Variants in PCDH9 observed in about 807,000 individuals in gnomAD.
The protein encoded by PCDH9 is protocadherin 9.
PCDH9 carries 24 observed loss-of-function variants against 70.6 expected under a neutral mutation model. The ratio of observed to expected loss-of-function variants is 0.34; its 90% CI spans 0.25 to 0.48. PCDH9 has a LOEUF of 0.48. Among genes scored for constraint, PCDH9 ranks in the 20% least tolerant of loss-of-function variants. The probability of loss-of-function intolerance (pLI) is 0.99; values close to 1 mark genes in which losing one functional copy is unlikely to be tolerated. For missense variants in PCDH9, 1,281 were observed against 1,503.6 expected, an observed-to-expected ratio of 0.85 and a Z score of 2.45; for synonymous variants, 562 against 558.5, an observed-to-expected ratio of 1.01 and a Z score of -0.09.
chr13:66,654,370 T>C (rs888470683), intron 3 of PCDH9, among the ~76,000 whole-genome samples: 3 of 151,950 alleles, frequency 2.0e-5, no homozygotes, highest in Non-Finnish European at 4.4e-5. Context: ...TACAAAAATA[T>C]AATTAGAAAG....
At chr13:66,775,236 C>A (rs2079872135) in intron 3 of PCDH9, among the ~76,000 whole-genome samples, 1 of 152,154 alleles carries the variant, frequency 6.6e-6, no homozygotes, top group African/African-American at 2.4e-5. Flanking sequence ...AAAATTAAAT[C>A]ACTTCACATT....
chr13:67,059,412 TG>T (rs1453618511), intron 2 of PCDH9, among the ~76,000 whole-genome samples: 1 of 144,754 alleles, frequency 6.9e-6, no homozygotes, highest in Non-Finnish European at 1.5e-5. Flanking sequence ...TGTATATATA[TG>T]GTATATATAG....
chr13:66,714,067 A>T (rs953656326), intron 3 of PCDH9, among the ~76,000 whole-genome samples: 1 of 152,184 alleles, frequency 6.6e-6, no homozygotes, highest in African/African-American at 2.4e-5. Context: ...CTATTGCAGG[A>T]TACTAGGTAA....
chr13:67,088,454 C>A (rs1301098199), intron 2 of PCDH9, among the ~76,000 whole-genome samples: 1 of 151,966 alleles, frequency 6.6e-6, no homozygotes, highest in African/African-American at 2.4e-5. Context: ...AGACCATCAC[C>A]CAGGATTCTT....
At chr13:67,217,429 T>C (rs1431170984) in intron 2 of PCDH9, 2 of 152,108 alleles carry the variant, frequency 1.3e-5, no homozygotes, top group East Asian at 1.9e-4. Context: ...GGTGAAAATA[T>C]AGGATTTATA....
chr13:66,989,684 G>A (rs1157640542), intron 2 of PCDH9, among the ~76,000 whole-genome samples: 1 of 151,698 alleles, frequency 6.6e-6, no homozygotes, highest in African/African-American at 2.4e-5. Flanking sequence ...AATTATTTTA[G>A]ATATCTAAAT....
chr13:66,381,679 G>A (rs1178834544), intron 4 of PCDH9, among the ~76,000 whole-genome samples: 1 of 152,140 alleles, frequency 6.6e-6, no homozygotes, highest in Non-Finnish European at 1.5e-5. Context: ...GCAATGAAAA[G>A]CAGTCAAAAT....
chr13:66,861,681 T>C (rs1330523119), intron 3 of PCDH9, among the ~76,000 whole-genome samples: 4 of 152,194 alleles, frequency 2.6e-5, no homozygotes, highest in South Asian at 2.1e-4. Context: ...CAGTGGGCCA[T>C]GTTGCTTCCA....
intron 2 of PCDH9, among the ~76,000 whole-genome samples, chr13:66,941,473 A>G (rs1474619766): frequency 2.0e-5 from 3 of 151,856 alleles, no homozygotes; most frequent in Non-Finnish European, 4.4e-5. Flanking sequence ...CATAATGAAT[A>G]AAAAGCAATA....
At chr13:67,101,523 ATG>A (rs540198977) in intron 2 of PCDH9, among the ~76,000 whole-genome samples, 32 of 152,316 alleles carry the variant, frequency 2.1e-4, no homozygotes, top group Admixed American at 3.3e-4. Context: ...GGTTTGTTAT[ATG>A]TGTGTGTGTA....
chr13:66,559,833 TACACACAC>T (rs56660850), intron 4 of PCDH9, among the ~76,000 whole-genome samples: 3 of 87,100 alleles, frequency 3.4e-5, no homozygotes, highest in Non-Finnish European at 6.3e-5. Context: ...TATATATATA[TACACACAC>T]ACACACACAC....
At chr13:66,963,509 A>T (rs1337768864) in intron 2 of PCDH9, among the ~76,000 whole-genome samples, 1 of 152,238 alleles carries the variant, frequency 6.6e-6, no homozygotes, top group Non-Finnish European at 1.5e-5. Context: ...TTAAATTTTT[A>T]AAATCACTAC....
chr13:67,161,841 A>G (rs940473952), intron 2 of PCDH9, among the ~76,000 whole-genome samples: 1 of 152,196 alleles, frequency 6.6e-6, no homozygotes, highest in East Asian at 1.9e-4. Context: ...TCTCCCAACT[A>G]CAGATATTAT....
chr13:66,310,609 A>G (rs1006141721), intron 4 of PCDH9, among the ~76,000 whole-genome samples: 1 of 152,060 alleles, frequency 6.6e-6, no homozygotes, highest in Non-Finnish European at 1.5e-5. Context: ...CATTTCTTTA[A>G]AAAAGCTATG....
intron 2 of PCDH9, among the ~76,000 whole-genome samples, chr13:66,998,597 T>C (rs1020138754): frequency 6.6e-6 from 1 of 152,208 alleles, no homozygotes; most frequent in African/African-American, 2.4e-5. Context: ...AGTTTTCATC[T>C]CAGCAGTTGC....
At chr13:66,398,789 A>C (rs1957143929) in intron 4 of PCDH9, among the ~76,000 whole-genome samples, 1 of 152,194 alleles carries the variant, frequency 6.6e-6, no homozygotes, top group African/African-American at 2.4e-5. Flanking sequence ...GAACACAACA[A>C]AATTTATAAG....
chr13:66,503,478 T>C (rs1038397835), intron 4 of PCDH9, among the ~76,000 whole-genome samples: 2 of 152,234 alleles, frequency 1.3e-5, no homozygotes, highest in Admixed American at 1.3e-4. Flanking sequence ...CAAATACTAT[T>C]TGAAGAAACT....
At chr13:66,590,024 A>G (rs1332144673) in intron 4 of PCDH9, among the ~76,000 whole-genome samples, 2 of 151,542 alleles carry the variant, frequency 1.3e-5, no homozygotes, top group African/African-American at 2.4e-5. Flanking sequence ...TCATGTCATG[A>G]ACCAATTGGC....
intron 2 of PCDH9, among the ~76,000 whole-genome samples, chr13:66,946,866 A>G (rs2083096531): frequency 6.6e-6 from 1 of 152,286 alleles, no homozygotes; most frequent in East Asian, 1.9e-4. Flanking sequence ...CTGCAAAATG[A>G]ATGTACATAT....
Sources: gnomAD v4.1 joint callset for allele counts (sites outside exome capture counted in the v4.1 genomes callset) on GRCh38, gnomAD v4.1.1 for gene constraint, MANE v1.5 for transcripts, NCBI Gene and HGNC (gene_info 2026-07-23, HGNC 2026-07-21) for gene names.